Variants in VPS37A observed in about 807,000 individuals in gnomAD.
The protein encoded by VPS37A is vacuolar protein sorting-associated protein 37A.
VPS37A carries 30 observed loss-of-function variants against 49.8 expected under a neutral mutation model. The observed-to-expected ratio is 0.60, with a 90% CI of 0.45 to 0.82. The LOEUF is 0.82. Ranked by LOEUF, VPS37A falls within the 40% of genes least tolerant of loss-of-function variation. The pLI is 0.00. For synonymous variants in VPS37A, 195 were observed against 160.6 expected, an observed-to-expected ratio of 1.21 and a Z score of -1.62; for missense variants, 593 against 464.4, an observed-to-expected ratio of 1.28 and a Z score of -2.55.
At chr8:17,332,193 A>T in the VPS37A span, among the ~76,000 whole-genome samples, 1 of 151,624 alleles carries the variant, frequency 6.6e-6, no homozygotes, top group Non-Finnish European at 1.5e-5. Flanking sequence ...TAACCCAGGC[A>T]GAGAACCTAC....
Position 17,295,427 on chromosome 8 carries a change from TTTTC to T in VPS37A, c.*449_*452del, listed in dbSNP as rs1195877508. ...TTTTCAACTGTGAGGAAACCCTTAT[TTTTC>T]TTTCTTTGTGGATAAAACTTTCAAA... is the stretch of plus-strand genomic sequence containing the variant. On this transcript the variant is annotated 3_prime_UTR_variant, in exon 12 of 12. Transcript: ENST00000324849. The T allele has an allele frequency of 5.9e-5, 9 of 152,634 alleles. No individual in the cohort carries two copies. The highest frequency in any genetic ancestry group is 2.2e-4 in the African/African-American group (9 of 41,458). 9.5% of individuals were successfully genotyped at this position (152,634 alleles called of 1,614,324 possible). A position where few individuals can be genotyped will look rare whatever the true frequency, so the allele number is the denominator to read the frequency against.
chr8:17,332,842 G>A, the VPS37A span, among the ~76,000 whole-genome samples: 7 of 152,026 alleles, frequency 4.6e-5, no homozygotes, highest in South Asian at 4.2e-4. Context: ...AAGTTTTTGC[G>A]TGTTTATCAA....
chr8:17,326,561 G>A, the VPS37A span: 15 of 152,192 alleles, frequency 9.9e-5, no homozygotes, highest in Non-Finnish European at 2.1e-4. Context: ...TTTGTAACGT[G>A]ATACTGGAAA....
intron 1 of VPS37A, among the ~76,000 whole-genome samples, chr8:17,264,183 G>A (rs1289273188): frequency 6.6e-6 from 1 of 152,066 alleles, no homozygotes; most frequent in East Asian, 1.9e-4. Flanking sequence ...GTAAATAAAT[G>A]GTAAAGACAG....
chr8:17,261,243 C>T (rs1812932972), intron 1 of VPS37A, among the ~76,000 whole-genome samples: 1 of 152,152 alleles, frequency 6.6e-6, no homozygotes, highest in Non-Finnish European at 1.5e-5. Flanking sequence ...CTGCCTGATC[C>T]ATTCTGCCAT....
the VPS37A span, among the ~76,000 whole-genome samples, chr8:17,330,314 C>G: frequency 6.6e-6 from 1 of 152,224 alleles, no homozygotes; most frequent in East Asian, 1.9e-4. Flanking sequence ...GGGCTCCCAG[C>G]TCCAGCTCTC....
intron 6 of VPS37A, among the ~76,000 whole-genome samples, chr8:17,277,704 A>C (rs1814649080): frequency 6.6e-6 from 1 of 151,998 alleles, no homozygotes; most frequent in South Asian, 2.1e-4. Flanking sequence ...TAATTCTTTA[A>C]TATTACCTTA....
intron 4 of VPS37A, among the ~76,000 whole-genome samples, chr8:17,270,097 TG>T (rs1467715895): frequency 6.6e-6 from 1 of 152,046 alleles, no homozygotes; most frequent in African/African-American, 2.4e-5. Context: ...GAACTCACTA[TG>T]GCAAGGACAG....
the VPS37A span, among the ~76,000 whole-genome samples, chr8:17,321,394 A>G: frequency 3.1e-4 from 47 of 152,240 alleles, 1 homozygote; most frequent in Admixed American, 3.0e-3. Flanking sequence ...TTCTTGTTCA[A>G]CATTTCTGTT....
At chr8:17,318,952 C>T in the VPS37A span, among the ~76,000 whole-genome samples, 3,353 of 152,344 alleles carry the variant, frequency 0.022, 52 homozygotes, top group Non-Finnish European at 0.038. Context: ...TGCTCATTGT[C>T]CTGCTTCCCT....
At chr8:17,324,749 A>G in the VPS37A span, among the ~76,000 whole-genome samples, 2 of 152,210 alleles carry the variant, frequency 1.3e-5, no homozygotes, top group Admixed American at 1.3e-4. Flanking sequence ...TAATGGGAAA[A>G]TGGGTTTTCT....
intron 11 of VPS37A, among the ~76,000 whole-genome samples, chr8:17,292,315 G>C (rs1411876101): frequency 6.6e-6 from 1 of 151,872 alleles, no homozygotes; most frequent in Non-Finnish European, 1.5e-5. Flanking sequence ...CTTTCCATTG[G>C]CTTGGTAAAT....
chr8:17,256,138 C>T (rs1812425159), intron 1 of VPS37A, among the ~76,000 whole-genome samples: 2 of 151,586 alleles, frequency 1.3e-5, no homozygotes, highest in South Asian at 4.2e-4. Flanking sequence ...TTTGAGGAAC[C>T]TCCATACTGT....
downstream of VPS37A, among the ~76,000 whole-genome samples, chr8:17,306,114 A>C (rs1171902734): frequency 6.6e-6 from 1 of 152,244 alleles, no homozygotes; most frequent in Non-Finnish European, 1.5e-5. Context: ...TAAGATTTTA[A>C]ATTCAAATTT....
At chr8:17,249,763 C>T (rs908573719) in intron 1 of VPS37A, among the ~76,000 whole-genome samples, 18 of 152,152 alleles carry the variant, frequency 1.2e-4, no homozygotes, top group African/African-American at 4.3e-4. Context: ...CCTCCTGTAA[C>T]AAAAGACAGG....
downstream of VPS37A, chr8:17,304,472 C>G (rs553369647): frequency 1.2e-4 from 194 of 1,613,904 alleles, 1 homozygote; most frequent in South Asian, 2.0e-3. Flanking sequence ...GTAGTCGGCC[C>G]GATTCTTCCA....
chr8:17,255,549 A>C (rs1339218484), intron 1 of VPS37A, among the ~76,000 whole-genome samples: 4 of 151,998 alleles, frequency 2.6e-5, no homozygotes, highest in African/African-American at 7.3e-5. Flanking sequence ...CTAAGTGATA[A>C]ATTATTGTTT....
intron 1 of VPS37A, among the ~76,000 whole-genome samples, chr8:17,250,825 C>T (rs528073042): frequency 6.6e-6 from 1 of 152,120 alleles, no homozygotes; most frequent in South Asian, 2.1e-4. Flanking sequence ...ACAATATGCA[C>T]GGCAAATGAG....
At position 17,247,187 on chromosome 8, in the gene VPS37A, C is replaced by T; in HGVS notation, c.-58C>T. ...GTCGCTGGAGAACCGCCGGGCCGAG[C>T]CACTGGGAGAAGCAGGCCAGAGCCT... On this transcript the variant is annotated 5_prime_UTR_variant, in exon 1 of 12. Transcript: ENST00000324849. The T allele has an allele frequency of 1.9e-6, 3 of 1,551,474 alleles. No homozygotes were observed. Among genetic ancestry groups the T allele is most frequent in the Non-Finnish European group, 8.7e-7 (1 of 1,147,936 alleles).
Sources: allele counts gnomAD v4.1 joint callset (sites outside exome capture counted in the v4.1 genomes callset), GRCh38; gene constraint gnomAD v4.1.1; transcripts MANE v1.5; gene names NCBI Gene and HGNC (gene_info 2026-07-23, HGNC 2026-07-21).